The following SLC24A2 variants were observed in gnomAD, a reference collection of about 807,000 sequenced individuals.
SLC24A2 encodes sodium/potassium/calcium exchanger 2.
Under a neutral mutation model 62.0 loss-of-function variants are expected in SLC24A2, and 36 were observed. The ratio of observed to expected loss-of-function variants is 0.58; its 90% CI spans 0.44 to 0.77. The LOEUF (loss-of-function observed/expected upper bound fraction) is 0.77, where lower values mean the gene tolerates loss of function less well. Among genes scored for constraint, SLC24A2 ranks in the 30% least tolerant of loss-of-function variants. The probability of loss-of-function intolerance (pLI) is 0.00; values close to 1 mark genes in which losing one functional copy is unlikely to be tolerated. For missense variants in SLC24A2, 846 were observed against 817.9 expected (o/e 1.03, Z -0.42); for synonymous variants, 358 against 294.0 (o/e 1.22, Z -2.23).
At chr9:19,676,625 G>T (rs1819568563) in intron 2 of SLC24A2, among the ~76,000 whole-genome samples, 1 of 152,068 alleles carries the variant, frequency 6.6e-6, no homozygotes, top group Admixed American at 6.6e-5. Context: ...AATTAGGTAA[G>T]TAAGATAAAG....
the SLC24A2 span, among the ~76,000 whole-genome samples, chr9:20,295,315 C>T: frequency 6.6e-6 from 1 of 152,140 alleles, no homozygotes; most frequent in Non-Finnish European, 1.5e-5. Flanking sequence ...CACAGAGCTG[C>T]ATCATATTAG....
At chr9:19,607,278 C>T (rs1183856426) in intron 4 of SLC24A2, among the ~76,000 whole-genome samples, 1 of 152,182 alleles carries the variant, frequency 6.6e-6, no homozygotes, top group East Asian at 1.9e-4. Context: ...TGCTTTTTAT[C>T]TCTGGGAACT....
At chr9:20,219,073 G>C in the SLC24A2 span, among the ~76,000 whole-genome samples, 1 of 152,214 alleles carries the variant, frequency 6.6e-6, no homozygotes, top group Non-Finnish European at 1.5e-5. Flanking sequence ...GAGGGTGAGA[G>C]AAATAGGAAA....
the SLC24A2 span, among the ~76,000 whole-genome samples, chr9:20,013,590 C>T: frequency 6.6e-6 from 1 of 151,996 alleles, no homozygotes; most frequent in African/African-American, 2.4e-5. Flanking sequence ...AGCTTTTGCA[C>T]AGTAAAGGAA....
the SLC24A2 span, among the ~76,000 whole-genome samples, chr9:20,152,209 G>A: frequency 6.6e-6 from 1 of 151,878 alleles, no homozygotes; most frequent in African/African-American, 2.4e-5. Flanking sequence ...ATTATATGAA[G>A]AGGGAGATTT....
chr9:20,063,393 CA>C, the SLC24A2 span, among the ~76,000 whole-genome samples: 1 of 149,334 alleles, frequency 6.7e-6, no homozygotes, highest in Non-Finnish European at 1.5e-5. Context: ...ATTGCAAGAA[CA>C]AAAAACCAAA....
intron 2 of SLC24A2, among the ~76,000 whole-genome samples, chr9:19,785,544 G>A (rs1318786207): frequency 6.6e-6 from 1 of 152,194 alleles, no homozygotes; most frequent in Non-Finnish European, 1.5e-5. Context: ...TAATTGCCAT[G>A]TGTTCATTTA....
chr9:19,636,294 CTTTT>C (rs1818317217), intron 2 of SLC24A2, among the ~76,000 whole-genome samples: 2 of 44,474 alleles, frequency 4.5e-5, no homozygotes, highest in African/African-American at 1.8e-4. Context: ...CTCTTCTTTT[CTTTT>C]CTTTTCTTTT....
chr9:19,656,693 C>A (rs1428775820), intron 2 of SLC24A2, among the ~76,000 whole-genome samples: 1 of 152,198 alleles, frequency 6.6e-6, no homozygotes, highest in Non-Finnish European at 1.5e-5. Context: ...ATTTCCTTCC[C>A]AGTTCCTCCT....
the SLC24A2 span, among the ~76,000 whole-genome samples, chr9:19,847,999 G>A: frequency 6.6e-6 from 1 of 152,234 alleles, no homozygotes; most frequent in African/African-American, 2.4e-5. Context: ...TTTTTCAACA[G>A]GAAGCTACTG....
chr9:20,252,870 CCTAA>C, the SLC24A2 span, among the ~76,000 whole-genome samples: 6 of 152,216 alleles, frequency 3.9e-5, no homozygotes, highest in South Asian at 2.1e-4. Flanking sequence ...GTCTGTTATG[CCTAA>C]CTAAGTAGCT....
chr9:20,241,822 G>A, the SLC24A2 span, among the ~76,000 whole-genome samples: 7 of 152,090 alleles, frequency 4.6e-5, no homozygotes, highest in East Asian at 1.4e-3. Context: ...AGCTGAAGGA[G>A]CAGGAGGAGC....
the SLC24A2 span, among the ~76,000 whole-genome samples, chr9:20,006,672 A>G: frequency 6.6e-6 from 1 of 152,152 alleles, no homozygotes; most frequent in Non-Finnish European, 1.5e-5. Flanking sequence ...GACCTCATCA[A>G]GGCCTAGGGA....
At chr9:20,215,196 T>TCC in the SLC24A2 span, among the ~76,000 whole-genome samples, 1 of 152,188 alleles carries the variant, frequency 6.6e-6, no homozygotes, top group Non-Finnish European at 1.5e-5. Flanking sequence ...GATAGCTAGC[T>TCC]CTCTTGGGTC....
At chr9:19,600,227 C>T (rs7036018) in intron 4 of SLC24A2, among the ~76,000 whole-genome samples, 17,922 of 152,216 alleles carry the variant, frequency 0.12, 1,114 homozygotes, top group African/African-American at 0.14. Flanking sequence ...ATTGTAAATG[C>T]TGCCCATTAT....
chr9:20,233,552 T>C, the SLC24A2 span, among the ~76,000 whole-genome samples: 1 of 152,202 alleles, frequency 6.6e-6, no homozygotes, highest in Non-Finnish European at 1.5e-5. Flanking sequence ...TTGCAACCCC[T>C]GCCTTTTTTT....
the SLC24A2 span, among the ~76,000 whole-genome samples, chr9:19,868,074 T>G: frequency 6.6e-6 from 1 of 152,126 alleles, no homozygotes; most frequent in South Asian, 2.1e-4. Context: ...AGGTTGAAAC[T>G]TAAGTTGTTG....
At chr9:20,096,744 T>C in the SLC24A2 span, among the ~76,000 whole-genome samples, 1 of 78,414 alleles carries the variant, frequency 1.3e-5, no homozygotes, top group Non-Finnish European at 2.4e-5. Flanking sequence ...TTGGATTGAA[T>C]ATTCTTTTTT....
chr9:20,237,373 T>G, the SLC24A2 span, among the ~76,000 whole-genome samples: 1 of 152,186 alleles, frequency 6.6e-6, no homozygotes, highest in East Asian at 1.9e-4. Context: ...TTAAGTCTAT[T>G]ACCCATGATT....
Sources: allele counts gnomAD v4.1 joint callset (sites outside exome capture counted in the v4.1 genomes callset), GRCh38; gene constraint gnomAD v4.1.1; transcripts MANE v1.5; gene names NCBI Gene and HGNC (gene_info 2026-07-23, HGNC 2026-07-21).